Variants in CCDC122 observed in about 807,000 individuals in gnomAD.
The protein encoded by CCDC122 is coiled-coil domain-containing protein 122.
In CCDC122, 38 loss-of-function variants were observed where a neutral mutation model predicts 37.0. The ratio of observed to expected loss-of-function variants is 1.03; its 90% CI spans 0.79 to 1.35. CCDC122 has a LOEUF of 1.35. Among genes scored for constraint, CCDC122 ranks in the 40% most tolerant of loss-of-function variants. The pLI, the probability that CCDC122 is intolerant of heterozygous loss-of-function variation, is 0.00. For synonymous variants in CCDC122, 83 were observed against 95.6 expected (o/e 0.87, Z 0.77); for missense variants, 305 against 310.0 (o/e 0.98, Z 0.12).
At position 43,845,137 on chromosome 13, in the gene CCDC122, T is replaced by C. The variant is rs554652019; in HGVS notation, c.673-7708A>G. Among the ~76,000 whole-genome samples the C allele has an allele frequency of 2.8e-4, 42 of 152,314 alleles. 1 individual carries two copies. Among genetic ancestry groups the C allele is most frequent in the South Asian group, 1.5e-3 (7 of 4,826 alleles). On this transcript the variant is annotated intron_variant, in intron 6 of 6. Transcript: ENST00000444614. ...CTTTCTAGCTATGCTTATATCTTTA[T>C]GTATTTTTTAAGCTGCTCTAGGAAT...
chr13:43,836,616 C>T lies in CCDC122; in HGVS notation c.*664G>A, dbSNP rs575025294. On this transcript the variant is annotated 3_prime_UTR_variant, in exon 7 of 7. Coordinates refer to ENST00000444614, the MANE Select transcript of CCDC122 (RefSeq NM_144974.5). ...CTGTAATCCCAGCACTTTGGGAGGC[C>T]GAGGCGGGTGGATCATGAGGTCAGG... 1 of 150,932 alleles carries T rather than the reference C, an allele frequency of 6.6e-6. No homozygotes were observed. Among genetic ancestry groups the T allele is most frequent in the Admixed American group, 6.6e-5 (1 of 15,154 alleles). The allele number at this position is 150,932 out of a possible 1,614,324, so 9.3% of individuals were successfully genotyped here.
intron 6 of CCDC122, among the ~76,000 whole-genome samples, chr13:43,844,121 TTAGA>T (rs1483285245): frequency 6.6e-6 from 1 of 152,020 alleles, no homozygotes; most frequent in East Asian, 1.9e-4. Flanking sequence ...TGGTGGAAGC[TTAGA>T]TAGTTGATTT....
chr13:43,879,272 C>G (rs1221796941), intron 1 of CCDC122: 1 of 153,024 alleles, frequency 6.5e-6, no homozygotes, highest in Non-Finnish European at 1.5e-5. Context: ...TTCCCCGCCC[C>G]GTGCCCTCTG....
chr13:43,872,449 A>G (rs1954482440), intron 2 of CCDC122, among the ~76,000 whole-genome samples: 1 of 152,126 alleles, frequency 6.6e-6, no homozygotes, highest in Non-Finnish European at 1.5e-5. Flanking sequence ...TAGGCTCTTA[A>G]CATGCACCAA....
At chr13:43,868,271 T>G (rs187343739) in intron 4 of CCDC122, among the ~76,000 whole-genome samples, 149 of 152,190 alleles carry the variant, frequency 9.8e-4, no homozygotes, top group African/African-American at 3.3e-3. Flanking sequence ...TTCCCTGCAG[T>G]AGGATTATCA....
At chr13:43,839,183 A>G (rs1317818813) in intron 6 of CCDC122, among the ~76,000 whole-genome samples, 1 of 152,190 alleles carries the variant, frequency 6.6e-6, no homozygotes, top group Non-Finnish European at 1.5e-5. Flanking sequence ...TTTCACGAAT[A>G]TCACCACAAT....
downstream of CCDC122, among the ~76,000 whole-genome samples, chr13:43,831,808 TG>T (rs1255913594): frequency 2.6e-5 from 4 of 152,332 alleles, no homozygotes; most frequent in African/African-American, 9.6e-5. Context: ...ATTAAGAGGT[TG>T]AAGTCTCATT....
chr13:43,837,248 T>C lies in CCDC122; in HGVS notation c.*32A>G. 1 of 1,588,536 alleles carries C rather than the reference T, an allele frequency of 6.3e-7. No homozygotes were observed. The highest frequency in any genetic ancestry group is 2.3e-5 in the East Asian group (1 of 44,408). The stretch of plus-strand genomic sequence containing the variant: ...TTCTGTCCAGTAATTTTTGTTGTCA[T>C]GGTCTGTGTTCCACATTGCCCTATG... On this transcript the variant is annotated 3_prime_UTR_variant, in exon 7 of 7. Coordinates refer to ENST00000444614, the MANE Select transcript of CCDC122 (RefSeq NM_144974.5).
chr13:43,868,145 A>T (rs1163865923), intron 4 of CCDC122, among the ~76,000 whole-genome samples: 2 of 152,162 alleles, frequency 1.3e-5, no homozygotes, highest in Non-Finnish European at 2.9e-5. Flanking sequence ...GATATATTTA[A>T]TAACAATCGT....
chr13:43,870,431 G>C (rs756264635), intron 2 of CCDC122, among the ~76,000 whole-genome samples: 1 of 151,962 alleles, frequency 6.6e-6, no homozygotes, highest in Non-Finnish European at 1.5e-5. Flanking sequence ...CTTTCATCTG[G>C]GTTTCATGGT....
chr13:43,873,609 G>T (rs143323291), intron 2 of CCDC122, among the ~76,000 whole-genome samples: 3 of 152,236 alleles, frequency 2.0e-5, no homozygotes, highest in Admixed American at 6.5e-5. Context: ...CAAGGCTGCT[G>T]CCCCGATTGA....
chr13:43,852,119 G>A (rs1293616485), intron 6 of CCDC122, among the ~76,000 whole-genome samples: 1 of 152,072 alleles, frequency 6.6e-6, no homozygotes, highest in Non-Finnish European at 1.5e-5. Context: ...CTCCAGCAAT[G>A]ATTCTGAACT....
At chr13:43,852,267 T>C (rs370245146) in intron 6 of CCDC122, among the ~76,000 whole-genome samples, 1 of 151,906 alleles carries the variant, frequency 6.6e-6, no homozygotes, top group African/African-American at 2.4e-5. Flanking sequence ...ACAGACAAAA[T>C]AGCCAGTATA....
chr13:43,854,357 C>G (rs993558234), intron 6 of CCDC122: 1 of 152,052 alleles, frequency 6.6e-6, no homozygotes, highest in Non-Finnish European at 1.5e-5. Flanking sequence ...CCCCTACACA[C>G]ATAAGCTAGG....
chr13:43,866,758 T>A (rs1954288122), intron 4 of CCDC122, among the ~76,000 whole-genome samples: 1 of 152,208 alleles, frequency 6.6e-6, no homozygotes, highest in African/African-American at 2.4e-5. Flanking sequence ...AGAAATACAA[T>A]ATATTTTTGT....
intron 6 of CCDC122, among the ~76,000 whole-genome samples, chr13:43,851,670 C>G (rs1332676052): frequency 6.6e-6 from 1 of 152,204 alleles, no homozygotes; most frequent in East Asian, 1.9e-4. Context: ...AAGAATGGAT[C>G]CTGCTATCAC....
chr13:43,869,386 C>G lies in CCDC122; in HGVS notation c.-10G>C. Reference sequence around the variant, plus strand: ...CTTTGTTGTCTGACATTTTCTGTGTCTGTAATCTCTTTTCCCCTTTTTGAT... The same window carrying G: ...CTTTGTTGTCTGACATTTTCTGTGTGTGTAATCTCTTTTCCCCTTTTTGAT... On this transcript the variant is annotated 5_prime_UTR_variant, in exon 3 of 7. Coordinates refer to ENST00000444614, the MANE Select transcript of CCDC122 (RefSeq NM_144974.5). 2 of 1,603,608 alleles carry G rather than the reference C, an allele frequency of 1.2e-6. No individual in the cohort carries two copies. The highest frequency in any genetic ancestry group is 1.7e-6 in the Non-Finnish European group (2 of 1,173,280).
At chr13:43,858,146 A>C (rs2153875317) in intron 6 of CCDC122, 1 of 152,272 alleles carries the variant, frequency 6.6e-6, no homozygotes, top group South Asian at 2.1e-4. Context: ...TTAGTCAAAA[A>C]CAAGTTGAAA....
chr13:43,848,998 C>T (rs1594829036), intron 6 of CCDC122: 1 of 961,172 alleles, frequency 1.0e-6, no homozygotes, highest in Middle Eastern at 5.4e-4. Flanking sequence ...GATCGATTCT[C>T]ATCATGGAAT....
Sources: gnomAD v4.1 joint callset for allele counts (sites outside exome capture counted in the v4.1 genomes callset) on GRCh38, gnomAD v4.1.1 for gene constraint, MANE v1.5 for transcripts, NCBI Gene and HGNC (gene_info 2026-07-23, HGNC 2026-07-21) for gene names.